The following TRABD2A variants were observed in gnomAD, a reference collection of about 807,000 sequenced individuals.
The protein encoded by TRABD2A is metalloprotease TIKI1.
In TRABD2A, 43 loss-of-function variants were observed where a neutral mutation model predicts 45.6. That is an observed-to-expected ratio of 0.94 (90% CI 0.74 to 1.22). The LOEUF is 1.22. Among genes scored for constraint, TRABD2A ranks in the 50% most tolerant of loss-of-function variants. The pLI is 0.00. For missense variants in TRABD2A, 642 were observed against 652.4 expected (o/e 0.98, Z 0.17); for synonymous variants, 269 against 265.0 (o/e 1.02, Z -0.15).
chr2:84,837,302 T>G (rs1047509945), intron 4 of TRABD2A: 3 of 152,224 alleles, frequency 2.0e-5, no homozygotes. Flanking sequence ...CCTCTTTTAG[T>G]TTTTTGAACA....
Position 84,847,384 on chromosome 2 carries a change from T to C in TRABD2A, c.670-5377A>G, listed in dbSNP as rs550128676. Among the ~76,000 whole-genome samples, 161 of 152,308 alleles carry C rather than the reference T, an allele frequency of 1.1e-3. 1 individual carries two copies. Among genetic ancestry groups the C allele is most frequent in the Middle Eastern group, 6.8e-3 (2 of 294 alleles). Reference sequence around the variant, plus strand: ...ATTTGGGGTTTCAGGATGTGGCTTGTGGATAAGAGAATTGCTCAGAAACTC... The same window carrying C: ...ATTTGGGGTTTCAGGATGTGGCTTGCGGATAAGAGAATTGCTCAGAAACTC... On this transcript the variant is annotated intron_variant, in intron 2 of 6. Transcript: ENST00000409520.
chr2:84,872,221 A>G (rs1010516956), intron 1 of TRABD2A, among the ~76,000 whole-genome samples: 5 of 152,160 alleles, frequency 3.3e-5, no homozygotes, highest in South Asian at 2.1e-4. Flanking sequence ...AAGACTATAT[A>G]TATTTCGGCC....
At chr2:84,822,218 G>T in intron 6 of TRABD2A, 118 bp from the exon 7 acceptor site, 1 of 833,836 alleles carries the variant, frequency 1.2e-6, no homozygotes, top group Non-Finnish European at 1.8e-6. Context: ...ACAGGAATGG[G>T]TATTAGTATA....
At chr2:84,849,661 A>G (rs1345207106) in intron 2 of TRABD2A, 3 of 152,362 alleles carry the variant, frequency 2.0e-5, no homozygotes, top group South Asian at 4.1e-4. Flanking sequence ...GAAACCACAG[A>G]CAGGACTTGT....
intron 5 of TRABD2A, 37 bp from the exon 6 acceptor site, chr2:84,824,241 G>A (rs1338351202): frequency 1.2e-6 from 2 of 1,610,920 alleles, no homozygotes; most frequent in Non-Finnish European, 1.7e-6. Flanking sequence ...TTTGGAGGAG[G>A]GTCACACAGC....
At chr2:84,831,638 C>A (rs977790234) in intron 5 of TRABD2A, among the ~76,000 whole-genome samples, 6 of 152,120 alleles carry the variant, frequency 3.9e-5, no homozygotes, top group African/African-American at 1.4e-4. Context: ...CTCCCTGCAC[C>A]CCTAACCCCT....
intron 5 of TRABD2A, among the ~76,000 whole-genome samples, chr2:84,831,796 G>A (rs945726718): frequency 2.0e-5 from 3 of 151,888 alleles, no homozygotes; most frequent in Admixed American, 6.6e-5. Flanking sequence ...ACCTTCCCCC[G>A]CTTGCCAAAC....
intron 1 of TRABD2A, among the ~76,000 whole-genome samples, chr2:84,872,300 G>C (rs983806043): frequency 1.3e-5 from 2 of 152,182 alleles, no homozygotes; most frequent in Non-Finnish European, 2.9e-5. Context: ...CTTGAGCTCA[G>C]GAGTTTGAGA....
At chr2:84,880,001 C>T (rs1465684181) in intron 1 of TRABD2A, among the ~76,000 whole-genome samples, 1 of 151,120 alleles carries the variant, frequency 6.6e-6, no homozygotes, top group Non-Finnish European at 1.5e-5. Flanking sequence ...CCCAACCCCC[C>T]CCACCCCCGC....
At chr2:84,833,627 G>A (rs936658441) in intron 4 of TRABD2A, 4 of 151,986 alleles carry the variant, frequency 2.6e-5, no homozygotes, top group African/African-American at 7.2e-5. Context: ...AAAAGCACAC[G>A]GTAATGTGTT....
Position 84,822,133 on chromosome 2 carries a change from T to A in TRABD2A, c.1335-33A>T, listed in dbSNP as rs563714176. The A allele has an allele frequency of 1.6e-5, 24 of 1,509,944 alleles. No individual in the cohort carries two copies. The East Asian group carries it at 5.4e-4, about 34-fold the overall frequency. 93.5% of individuals were successfully genotyped at this position (1,509,944 alleles called of 1,614,324 possible). A position where few individuals can be genotyped will look rare whatever the true frequency, so the allele number is the denominator to read the frequency against. Reference sequence around the variant, plus strand: ...GCAAAGAGAAAGACAGAGTCTGAAGTCACAGCAGAAACCACTGCACACGCC... The same window carrying A: ...GCAAAGAGAAAGACAGAGTCTGAAGACACAGCAGAAACCACTGCACACGCC... On this transcript the variant is annotated intron_variant, in intron 6 of 6. Coordinates refer to ENST00000409520, the MANE Select transcript of TRABD2A (RefSeq NM_001277053.2).
rs1683189782 is a variant in TRABD2A at position 84,881,043 on chromosome 2, C to T, written c.-4G>A. The stretch of plus-strand genomic sequence containing the variant: ...GGAACCAGCTCCAGGGACTCATCCT[C>T]CTCAAGGCGGCTCCGAGGCCCGGAA... On this transcript the variant is annotated 5_prime_UTR_variant, in exon 1 of 7. Transcript: ENST00000409520. 2 of 1,596,498 alleles carry T rather than the reference C, an allele frequency of 1.3e-6. No individual in the cohort carries two copies. Among genetic ancestry groups the T allele is most frequent in the Non-Finnish European group, 8.5e-7 (1 of 1,172,650 alleles).
chr2:84,851,821 T>A (rs1023532815), intron 2 of TRABD2A, among the ~76,000 whole-genome samples: 1 of 152,218 alleles, frequency 6.6e-6, no homozygotes, highest in African/African-American at 2.4e-5. Context: ...GGCTGTTCAG[T>A]CAAAATTGAA....
rs1681297657 is a variant in TRABD2A at position 84,830,531 on chromosome 2, G to A, written c.1082+1524C>T. On this transcript the variant is annotated intron_variant, in intron 5 of 6. Transcript: ENST00000409520. The surrounding 1 kb of genome is among the most constrained non-coding windows in gnomAD (Gnocchi z 4.9). ...AGAAGGGCGAAGAGTGAACCAGAGG[G>A]AGAAGGGCCTGGAAGGGGGCGGTGG... 2.0e-5 allele frequency among the ~76,000 whole-genome samples: 3 copies of A among 152,326 alleles called. No homozygotes were observed. Among genetic ancestry groups the A allele is most frequent in the South Asian group, 4.2e-4 (2 of 4,816 alleles).
Position 84,832,407 on chromosome 2 carries a change from G to T in TRABD2A, c.992-262C>A, listed in dbSNP as rs72926827. 3,535 of 469,860 alleles carry T rather than the reference G, an allele frequency of 7.5e-3. 71 individuals are homozygous for T. Among genetic ancestry groups the T allele is most frequent in the African/African-American group, 0.051 (2,618 of 51,692 alleles). 29.1% of individuals were successfully genotyped at this position (469,860 alleles called of 1,614,324 possible). On this transcript the variant is annotated intron_variant, in intron 4 of 6. Coordinates refer to ENST00000409520, the MANE Select transcript of TRABD2A (RefSeq NM_001277053.2). ...AGTTACCTGAAGTCACAAAGCTAAG[G>T]GGATAGCCTGGACATCAAACTGCAA...
intron 2 of TRABD2A, among the ~76,000 whole-genome samples, chr2:84,864,553 GC>G (rs1682610935): frequency 1.3e-5 from 2 of 152,068 alleles, no homozygotes; most frequent in African/African-American, 4.8e-5. Flanking sequence ...GAGAACCTAG[GC>G]CTGTCCTGCA....
intron 2 of TRABD2A, among the ~76,000 whole-genome samples, chr2:84,864,398 G>A (rs552418255): frequency 2.0e-5 from 3 of 152,288 alleles, no homozygotes; most frequent in Admixed American, 6.5e-5. Flanking sequence ...CACCCTGTAA[G>A]TCAGTCCTCT....
intron 2 of TRABD2A, among the ~76,000 whole-genome samples, chr2:84,864,020 T>C (rs1298288060): frequency 6.6e-6 from 1 of 152,106 alleles, no homozygotes; most frequent in Non-Finnish European, 1.5e-5. Context: ...TTTTTTTTTT[T>C]TAATGAGATC....
chr2:84,874,231 T>G (rs1682956408), intron 1 of TRABD2A, among the ~76,000 whole-genome samples: 1 of 152,234 alleles, frequency 6.6e-6, no homozygotes, highest in South Asian at 2.1e-4. Context: ...AAGGTCACTG[T>G]ATGATCTTTT....
Sources: allele counts gnomAD v4.1 joint callset (sites outside exome capture counted in the v4.1 genomes callset), GRCh38; gene constraint gnomAD v4.1.1; non-coding constraint Gnocchi (gnomAD v3.1); transcripts MANE v1.5; gene names NCBI Gene and HGNC (gene_info 2026-07-23, HGNC 2026-07-21).